WWOX: variants seen among roughly 807,000 people sequenced by gnomAD.
WWOX encodes the protein WW domain containing oxidoreductase.
A neutral mutation model predicts 46.2 loss-of-function variants in WWOX; 69 were observed. The observed-to-expected ratio is 1.49, with a 90% CI of 1.23 to 1.82. WWOX has a LOEUF of 1.82. Among genes scored for constraint, WWOX ranks in the 40% most tolerant of loss-of-function variants. The probability of loss-of-function intolerance (pLI) is 0.00; values close to 1 mark genes in which losing one functional copy is unlikely to be tolerated. For synonymous variants in WWOX, 359 were observed against 202.6 expected (o/e 1.77, Z -6.56); for missense variants, 919 against 542.6 (o/e 1.69, Z -6.89).
chr16:79,092,808 C>G (rs1017690637), intron 8 of WWOX, among the ~76,000 whole-genome samples: 1 of 152,034 alleles, frequency 6.6e-6, no homozygotes, highest in Non-Finnish European at 1.5e-5. Context: ...CCTTCATAAA[C>G]CCTAGGCCAT....
At chr16:79,121,862 G>A (rs565953690) in intron 8 of WWOX, among the ~76,000 whole-genome samples, 27 of 152,184 alleles carry the variant, frequency 1.8e-4, no homozygotes, top group African/African-American at 6.5e-4. Flanking sequence ...TTCGTTCTCA[G>A]CATCAGAAAA....
In WWOX at chr16:78,716,110, G is replaced by C. The variant is rs1419415438; in HGVS notation, c.1056+283358G>C. On this transcript the variant is annotated intron_variant, in intron 8 of 8. Transcript: ENST00000566780. The stretch of plus-strand genomic sequence containing the variant: ...AGTCACATTGAAATGAGGTCCTTAA[G>C]ATAGGCCCTAATCCAATATGCACAT... Among the ~76,000 whole-genome samples the C allele has an allele frequency of 3.3e-5, 5 of 152,220 alleles. No homozygotes were observed. The East Asian group carries it at 9.7e-4, about 29-fold the overall frequency.
At chr16:78,641,314 C>T (rs2046705124) in intron 8 of WWOX, among the ~76,000 whole-genome samples, 1 of 152,030 alleles carries the variant, frequency 6.6e-6, no homozygotes, top group Non-Finnish European at 1.5e-5. Flanking sequence ...CAATAGGACC[C>T]ATCCTGGAGA....
chr16:79,105,012 C>T (rs1286271906), intron 8 of WWOX, among the ~76,000 whole-genome samples: 2 of 152,224 alleles, frequency 1.3e-5, no homozygotes, highest in Admixed American at 6.5e-5. Flanking sequence ...AGGCAGTCTC[C>T]GGTCAGCACG....
intron 5 of WWOX, among the ~76,000 whole-genome samples, chr16:78,362,503 G>A (rs768051915): frequency 5.9e-5 from 9 of 152,070 alleles, no homozygotes; most frequent in Admixed American, 2.6e-4. Context: ...CAGGTACTCG[G>A]GAGGCTGAGG....
intron 8 of WWOX, among the ~76,000 whole-genome samples, chr16:78,858,643 T>C (rs776821511): frequency 2.1e-4 from 32 of 151,994 alleles, no homozygotes; most frequent in Non-Finnish European, 4.0e-4. Context: ...CTTTCTTTTT[T>C]CTTTACCTGT....
chr16:79,211,521 C>T (rs992357790), intron 8 of WWOX, 87 bp from the exon 9 acceptor site: 1 of 1,562,810 alleles, frequency 6.4e-7, no homozygotes. Context: ...GTGGGGGAGG[C>T]CTGCTAATGC....
At chr16:79,185,148 T>C (rs2050987921) in intron 8 of WWOX, among the ~76,000 whole-genome samples, 2 of 152,188 alleles carry the variant, frequency 1.3e-5, no homozygotes, top group East Asian at 1.9e-4. Context: ...AGAGGCCCCT[T>C]CCCTCTGTGA....
At chr16:78,998,818 A>G (rs570978444) in intron 8 of WWOX, among the ~76,000 whole-genome samples, 1 of 152,224 alleles carries the variant, frequency 6.6e-6, no homozygotes, top group Non-Finnish European at 1.5e-5. Context: ...GTGCATCTCT[A>G]AATTCTTTCA....
chr16:78,368,546 C>T lies in WWOX; in HGVS notation c.517-18314C>T, dbSNP rs371368956. ...CTCTTCCCATAGAGAACATCTATATCCTCAAACCAAGGAGAAAAAGGAAGC... is the reference window on the plus strand; with the variant it reads ...CTCTTCCCATAGAGAACATCTATATTCTCAAACCAAGGAGAAAAAGGAAGC... On this transcript the variant is annotated intron_variant, in intron 5 of 8. Transcript: ENST00000566780. Among the ~76,000 whole-genome samples the T allele has an allele frequency of 6.6e-5, 10 of 152,274 alleles. No individual in the cohort carries two copies. In the East Asian group the frequency reaches 7.8e-4, roughly 12 times the overall value.
At chr16:78,538,563 C>G (rs756106930) in intron 8 of WWOX, among the ~76,000 whole-genome samples, 2 of 152,146 alleles carry the variant, frequency 1.3e-5, no homozygotes, top group African/African-American at 2.4e-5. Context: ...CTCTGAACTC[C>G]TGAACTGCTC....
chr16:78,759,350 A>G (rs1005101969), intron 8 of WWOX, among the ~76,000 whole-genome samples: 1 of 152,190 alleles, frequency 6.6e-6, no homozygotes, highest in Admixed American at 6.5e-5. Context: ...CAGGCAAGGC[A>G]CAGAAAATAT....
At chr16:78,412,033 T>C (rs1224881815) in intron 6 of WWOX, among the ~76,000 whole-genome samples, 3 of 152,140 alleles carry the variant, frequency 2.0e-5, no homozygotes, top group African/African-American at 7.2e-5. Flanking sequence ...ACTTCCCAGA[T>C]GTGAGGGTGC....
At chr16:78,978,257 GT>G (rs1208348221) in intron 8 of WWOX, among the ~76,000 whole-genome samples, 10 of 152,170 alleles carry the variant, frequency 6.6e-5, no homozygotes, top group Non-Finnish European at 1.3e-4. Flanking sequence ...GGGCATTTGG[GT>G]TATTTCCACC....
intron 8 of WWOX, among the ~76,000 whole-genome samples, chr16:78,722,517 A>G (rs1251878791): frequency 6.6e-6 from 1 of 152,058 alleles, no homozygotes; most frequent in African/African-American, 2.4e-5. Flanking sequence ...TTATGATCAT[A>G]TTTTATTTCA....
At chr16:79,012,002 C>A (rs543043406) in intron 8 of WWOX, among the ~76,000 whole-genome samples, 2 of 152,240 alleles carry the variant, frequency 1.3e-5, no homozygotes, top group South Asian at 4.1e-4. Flanking sequence ...ATTGTTTTGT[C>A]CCTCACTTCT....
At chr16:78,919,309 C>G (rs1293604226) in intron 8 of WWOX, among the ~76,000 whole-genome samples, 2 of 151,868 alleles carry the variant, frequency 1.3e-5, no homozygotes, top group Non-Finnish European at 1.5e-5. Context: ...AGAAGTCAGA[C>G]AACTCACCCA....
At chr16:78,939,284 G>T (rs138598282) in intron 8 of WWOX, among the ~76,000 whole-genome samples, 2 of 152,320 alleles carry the variant, frequency 1.3e-5, no homozygotes, top group African/African-American at 4.8e-5. Context: ...CTGGTCTAGA[G>T]AGGCTGCTAC....
At chr16:78,883,930 T>C (rs2044397063) in intron 8 of WWOX, among the ~76,000 whole-genome samples, 1 of 152,134 alleles carries the variant, frequency 6.6e-6, no homozygotes, top group Non-Finnish European at 1.5e-5. Context: ...GGTATAACCA[T>C]TTTGGAAGAC....
Sources: allele counts gnomAD v4.1 joint callset (sites outside exome capture counted in the v4.1 genomes callset), GRCh38; gene constraint gnomAD v4.1.1; transcripts MANE v1.5; gene names NCBI Gene and HGNC (gene_info 2026-07-23, HGNC 2026-07-21).